Variants in SMURF2 observed in about 807,000 individuals in gnomAD.
SMURF2 encodes SMAD specific E3 ubiquitin protein ligase 2, also known as E3 ubiquitin-protein ligase SMURF2.
SMURF2 carries 48 observed loss-of-function variants against 109.6 expected under a neutral mutation model. The observed-to-expected ratio is 0.44, with a 90% CI of 0.35 to 0.56. The LOEUF (loss-of-function observed/expected upper bound fraction) is 0.56. Ranked by LOEUF, SMURF2 falls within the 20% of genes least tolerant of loss-of-function variation. SMURF2 has a pLI of 0.01. For missense variants in SMURF2, 575 were observed against 909.0 expected, an observed-to-expected ratio of 0.63 and a Z score of 4.72; for synonymous variants, 288 against 317.1, an observed-to-expected ratio of 0.91 and a Z score of 0.97.
intron 3 of SMURF2, among the ~76,000 whole-genome samples, chr17:64,595,735 T>C (rs1206284295): frequency 7.1e-6 from 1 of 140,136 alleles, no homozygotes; most frequent in Non-Finnish European, 1.5e-5. Context: ...AATTGTAAGA[T>C]AAAACCTAAT....
intron 1 of SMURF2, among the ~76,000 whole-genome samples, chr17:64,644,574 T>G: frequency 7.0e-6 from 1 of 142,562 alleles, no homozygotes; most frequent in African/African-American, 2.7e-5. Context: ...CCAGCCTAGG[T>G]GACAAGAGCA....
intron 1 of SMURF2, among the ~76,000 whole-genome samples, chr17:64,624,823 A>T (rs1970247579): frequency 6.7e-6 from 1 of 149,360 alleles, no homozygotes; most frequent in African/African-American, 2.5e-5. Context: ...AAGACAGGGG[A>T]GGGGAGGGAA....
intron 9 of SMURF2, among the ~76,000 whole-genome samples, chr17:64,574,130 T>TAA (rs1173256527): frequency 2.0e-5 from 3 of 149,424 alleles, no homozygotes; most frequent in Non-Finnish European, 4.5e-5. Context: ...ACCTAAAAGT[T>TAA]AAAAAAAAAA....
chr17:64,612,217 A>G (rs1970054608), intron 1 of SMURF2, among the ~76,000 whole-genome samples: 1 of 152,078 alleles, frequency 6.6e-6, no homozygotes, highest in African/African-American at 2.4e-5. Flanking sequence ...TGCCTGCCTC[A>G]TCTCTTCCTG....
At chr17:64,576,062 G>T (rs1435958678) in intron 9 of SMURF2, among the ~76,000 whole-genome samples, 3 of 151,794 alleles carry the variant, frequency 2.0e-5, no homozygotes, top group Admixed American at 2.0e-4. Flanking sequence ...AAAATTAGCG[G>T]GGTATTGTGG....
At chr17:64,647,934 T>C (rs1356840425) in intron 1 of SMURF2, among the ~76,000 whole-genome samples, 2 of 151,456 alleles carry the variant, frequency 1.3e-5, no homozygotes, top group African/African-American at 4.9e-5. Flanking sequence ...TGAGCAACTA[T>C]TGTCCTAGCT....
intron 16 of SMURF2, among the ~76,000 whole-genome samples, chr17:64,549,374 A>T (rs1187944646): frequency 6.6e-6 from 1 of 150,682 alleles, no homozygotes; most frequent in Non-Finnish European, 1.5e-5. Flanking sequence ...ACTTCAGCAT[A>T]AGAGTTAACA....
chr17:64,654,162 A>G (rs1174432897), intron 1 of SMURF2, among the ~76,000 whole-genome samples: 4 of 152,226 alleles, frequency 2.6e-5, no homozygotes, highest in Non-Finnish European at 5.9e-5. Flanking sequence ...CATGATTGCA[A>G]TCATCCACGT....
At chr17:64,578,930 T>G (rs1969538498) in intron 8 of SMURF2, among the ~76,000 whole-genome samples, 2 of 152,186 alleles carry the variant, frequency 1.3e-5, no homozygotes, top group African/African-American at 2.4e-5. Flanking sequence ...TTGGGAAGAT[T>G]TGAGGAGGAA....
At position 64,662,052 on chromosome 17, in the gene SMURF2, G is replaced by C. The variant is rs941700437; in HGVS notation, c.-172C>G. On this transcript the variant is annotated 5_prime_UTR_variant, in exon 1 of 19. Transcript: ENST00000262435. ...CGTCGCCATGAGCCGCGGAGGGAGC[G>C]GGACGCCGAGCTCCCCCCTCCTCCC... is the stretch of plus-strand genomic sequence containing the variant. 2.7e-6 allele frequency: 3 copies of C among 1,106,684 alleles called. No individual in the cohort carries two copies. The highest frequency in any genetic ancestry group is 2.2e-6 in the Non-Finnish European group (2 of 910,070). 68.6% of individuals were successfully genotyped at this position (1,106,684 alleles called of 1,614,324 possible). A position where few individuals can be genotyped will look rare whatever the true frequency, so the allele number is the denominator to read the frequency against.
intron 10 of SMURF2, among the ~76,000 whole-genome samples, chr17:64,568,788 G>GGT (rs1555685318): frequency 4.6e-5 from 7 of 151,786 alleles, no homozygotes; most frequent in Non-Finnish European, 8.8e-5. Flanking sequence ...GATCACTTGA[G>GGT]GCCAAGAGTT....
chr17:64,577,044 A>G (rs1969503589), intron 9 of SMURF2, among the ~76,000 whole-genome samples: 1 of 151,806 alleles, frequency 6.6e-6, no homozygotes, highest in Non-Finnish European at 1.5e-5. Flanking sequence ...GTCTTGCCCC[A>G]GCCATCCCAT....
rs1555683054 is a variant in SMURF2 at position 64,545,868 on chromosome 17, A to G, written c.2227T>C (p.Cys743Arg). The change falls in exon 19 of 19, where the codon TGT becomes CGT. Residue 743 changes from cysteine (C) to arginine (R), a missense_variant. Cys to Arg is a radical substitution (Grantham distance 180). Around this residue, in one of 5 missense-constraint regions of SMURF2, gnomAD observed 361 missense variants for 612.1 expected, o/e 0.59. Coordinates refer to ENST00000262435, the MANE Select transcript of SMURF2 (RefSeq NM_022739.4). ...EKLLTAIEET[C>R]GFAVE The stretch of plus-strand genomic sequence containing the variant: ...GCTTGTCATTCCACAGCAAATCCAC[A>G]TGTTTCTTCAATGGCTGTTAGCAGC... 1 of 1,607,384 alleles carries G rather than the reference A, an allele frequency of 6.2e-7. No homozygotes were observed.
At chr17:64,582,950 G>A (rs1412909132) in intron 7 of SMURF2, among the ~76,000 whole-genome samples, 2 of 151,464 alleles carry the variant, frequency 1.3e-5, no homozygotes, top group African/African-American at 4.9e-5. Context: ...CCAGGTTAGA[G>A]TGCACGGGCA....
intron 10 of SMURF2, among the ~76,000 whole-genome samples, chr17:64,568,910 G>A (rs367904164): frequency 6.6e-6 from 1 of 152,090 alleles, no homozygotes; most frequent in Non-Finnish European, 1.5e-5. Flanking sequence ...GCTGAGGCAG[G>A]AGAATCGCTT....
chr17:64,555,373 T>C (rs1408627918), intron 14 of SMURF2, among the ~76,000 whole-genome samples: 2 of 152,180 alleles, frequency 1.3e-5, no homozygotes, highest in Non-Finnish European at 2.9e-5. Flanking sequence ...AAAATAAACA[T>C]TGCCAGTGTA....
chr17:64,562,956 G>A lies in SMURF2; in HGVS notation c.1027C>T (p.Gln343Ter), dbSNP rs1969244978. ...NLHLVLNRQN[Q>*]LKDQQQQQVV... ...TGCTGTTGCTGTTGGTCTTTCAATTGGTTCTGCCGACTAGAAGTAAACATA... is the reference window on the plus strand; with the variant it reads ...TGCTGTTGCTGTTGGTCTTTCAATTAGTTCTGCCGACTAGAAGTAAACATA... The change falls in exon 11 of 19, where the codon CAA (glutamine) becomes TAA (stop). Residue 343 changes from glutamine to a stop codon, truncating the protein, a stop_gained. Coordinates refer to ENST00000262435, the MANE Select transcript of SMURF2 (RefSeq NM_022739.4). LOFTEE classifies it high-confidence loss of function. The A allele has an allele frequency of 6.2e-7, 1 of 1,612,218 alleles. No individual in the cohort carries two copies. The highest frequency in any genetic ancestry group is 8.5e-7 in the Non-Finnish European group (1 of 1,179,048).
chr17:64,657,691 T>C (rs920063847), intron 1 of SMURF2, among the ~76,000 whole-genome samples: 3 of 149,418 alleles, frequency 2.0e-5, no homozygotes, highest in African/African-American at 7.4e-5. Flanking sequence ...TGCACTCCAG[T>C]GTGGGCAACA....
At chr17:64,633,464 C>G (rs913789435) in intron 1 of SMURF2, among the ~76,000 whole-genome samples, 6 of 152,106 alleles carry the variant, frequency 3.9e-5, no homozygotes, top group African/African-American at 1.4e-4. Flanking sequence ...TCATTCCATC[C>G]CAGGTGAAAA....
Sources: gnomAD v4.1 joint callset for allele counts (sites outside exome capture counted in the v4.1 genomes callset) on GRCh38, gnomAD v4.1.1 for gene constraint, gnomAD v4.1.1 regional missense constraint, MANE v1.5 for transcripts, NCBI Gene and HGNC (gene_info 2026-07-23, HGNC 2026-07-21) for gene names.